EPHA6: variants seen among roughly 807,000 people sequenced by gnomAD.
EPHA6 encodes ephrin type-A receptor 6.
EPHA6 carries 50 observed loss-of-function variants against 112.0 expected under a neutral mutation model. The ratio of observed to expected loss-of-function variants is 0.45; its 90% CI spans 0.36 to 0.56. EPHA6 has a LOEUF of 0.56. Among genes scored for constraint, EPHA6 ranks in the 20% least tolerant of loss-of-function variants. The probability of loss-of-function intolerance (pLI) is 0.00; values close to 1 mark genes in which losing one functional copy is unlikely to be tolerated. For synonymous variants in EPHA6, 529 were observed against 490.7 expected, an observed-to-expected ratio of 1.08 and a Z score of -1.03; for missense variants, 1,280 against 1,417.4, an observed-to-expected ratio of 0.90 and a Z score of 1.56.
intron 6 of EPHA6, among the ~76,000 whole-genome samples, chr3:97,430,791 A>T (rs1223864477): frequency 6.6e-6 from 1 of 152,120 alleles, no homozygotes; most frequent in African/African-American, 2.4e-5. Context: ...GTCCTTTCTC[A>T]GAACTCTTGT....
At chr3:97,638,672 T>C (rs1423763558) in intron 14 of EPHA6, among the ~76,000 whole-genome samples, 1 of 152,166 alleles carries the variant, frequency 6.6e-6, no homozygotes, top group African/African-American at 2.4e-5. Flanking sequence ...ATTTGTCCTA[T>C]GGATAGTGTA....
chr3:97,424,945 A>G (rs1443266289), intron 6 of EPHA6, among the ~76,000 whole-genome samples: 1 of 152,152 alleles, frequency 6.6e-6, no homozygotes, highest in African/African-American at 2.4e-5. Flanking sequence ...CCAAAATCAA[A>G]CAAGTCAGTA....
chr3:97,174,136 T>C (rs561423914), intron 3 of EPHA6, among the ~76,000 whole-genome samples: 1 of 151,674 alleles, frequency 6.6e-6, no homozygotes, highest in South Asian at 2.1e-4. Context: ...AGTGAGAACA[T>C]GTGATGTTTG....
Position 97,258,080 on chromosome 3 carries a change from T to C in EPHA6, c.1606+13793T>C, listed in dbSNP as rs981947849. ...TTCATAACTCCTTATATTTACCCTA[T>C]CACAGTGCATAACTATACTCTGCAT... On this transcript the variant is annotated intron_variant, in intron 5 of 17. Transcript: ENST00000389672. Among the ~76,000 whole-genome samples, 3 of 152,202 alleles carry C rather than the reference T, an allele frequency of 2.0e-5. 1 individual carries two copies. Among genetic ancestry groups the C allele is most frequent in the Admixed American group, 2.0e-4 (3 of 15,286 alleles).
chr3:96,873,209 A>T (rs1385868358), intron 2 of EPHA6, among the ~76,000 whole-genome samples: 3 of 151,874 alleles, frequency 2.0e-5, no homozygotes, highest in African/African-American at 7.3e-5. Flanking sequence ...GGTTGCAGTG[A>T]GCCAAGATCA....
At chr3:97,275,060 G>A (rs540429170) in intron 5 of EPHA6, among the ~76,000 whole-genome samples, 41 of 152,182 alleles carry the variant, frequency 2.7e-4, no homozygotes, top group Non-Finnish European at 5.4e-4. Context: ...ACCGGCAGCC[G>A]CTGAACGCAA....
At position 97,750,344 on chromosome 3, in the gene EPHA6, GT is replaced by G. The variant is rs2035868583; in HGVS notation, c.*1648del. ...GACCCTGTTTTTGTTTTTTGTTTTT[GT>G]TTTTGTTGTTCGTTTGTTTGTTTTT... is the stretch of plus-strand genomic sequence containing the variant. On this transcript the variant is annotated 3_prime_UTR_variant, in exon 18 of 18. Coordinates refer to ENST00000389672, the MANE Select transcript of EPHA6 (RefSeq NM_001080448.3). Among the ~76,000 whole-genome samples the G allele has an allele frequency of 6.7e-6, 1 of 149,050 alleles. No individual in the cohort carries two copies. Among genetic ancestry groups the G allele is most frequent in the African/African-American group, 2.5e-5 (1 of 40,422 alleles).
chr3:97,390,278 G>A (rs951231926), intron 5 of EPHA6, among the ~76,000 whole-genome samples: 65 of 152,046 alleles, frequency 4.3e-4, no homozygotes, highest in African/African-American at 1.3e-3. Context: ...AAGCAGTTTT[G>A]CAGCCCCATT....
chr3:97,467,682 T>A (rs2091101227), intron 7 of EPHA6, among the ~76,000 whole-genome samples: 1 of 151,754 alleles, frequency 6.6e-6, no homozygotes, highest in Non-Finnish European at 1.5e-5. Flanking sequence ...TCTCAAGACC[T>A]ATCTCAACTG....
intron 7 of EPHA6, among the ~76,000 whole-genome samples, chr3:97,453,237 A>G (rs1476583627): frequency 6.6e-6 from 1 of 151,632 alleles, no homozygotes; most frequent in Admixed American, 6.6e-5. Flanking sequence ...TCAAAAGGGA[A>G]CAGAATCCAT....
intron 2 of EPHA6, among the ~76,000 whole-genome samples, chr3:96,896,489 C>G (rs2038277447): frequency 6.6e-6 from 1 of 152,128 alleles, no homozygotes; most frequent in African/African-American, 2.4e-5. Context: ...TAAGCCTGGT[C>G]CCTGTCTTCA....
chr3:97,554,536 G>A (rs1378849120), intron 11 of EPHA6, among the ~76,000 whole-genome samples: 1 of 151,958 alleles, frequency 6.6e-6, no homozygotes, highest in Non-Finnish European at 1.5e-5. Context: ...AGTCTAAATG[G>A]CAATACAAAG....
chr3:97,437,820 A>C (rs756274125), intron 6 of EPHA6, among the ~76,000 whole-genome samples: 3 of 151,852 alleles, frequency 2.0e-5, no homozygotes, highest in Non-Finnish European at 4.4e-5. Context: ...TCTTATAATA[A>C]ATATATTTTT....
At chr3:97,410,646 C>T (rs1210582750) in intron 6 of EPHA6, among the ~76,000 whole-genome samples, 1 of 152,002 alleles carries the variant, frequency 6.6e-6, no homozygotes, top group Non-Finnish European at 1.5e-5. Context: ...GTATATGGAT[C>T]ACATGGGGAT....
At chr3:96,946,995 A>G (rs977549009) in intron 2 of EPHA6, among the ~76,000 whole-genome samples, 8 of 148,424 alleles carry the variant, frequency 5.4e-5, no homozygotes, top group South Asian at 2.1e-4. Flanking sequence ...GTCTGTTCAT[A>G]TCCTTCGCCC....
intron 11 of EPHA6, among the ~76,000 whole-genome samples, chr3:97,538,981 C>CTCTTTCTTTCTTTCTTTCTTTCTT (rs796705721): frequency 3.1e-5 from 4 of 130,156 alleles, no homozygotes; most frequent in East Asian, 2.2e-4. Context: ...CACTTTCTCT[C>CTCTTTCTTTCTTTCTTTCTTTCTT]TCTTTCTTTC....
intron 2 of EPHA6, among the ~76,000 whole-genome samples, chr3:96,905,805 A>G (rs563215857): frequency 1.3e-5 from 2 of 152,210 alleles, no homozygotes; most frequent in Admixed American, 1.3e-4. Context: ...TGTTTTAACT[A>G]TAGTAAACTT....
At chr3:96,817,753 C>G (rs2032913572) in intron 1 of EPHA6, among the ~76,000 whole-genome samples, 1 of 151,814 alleles carries the variant, frequency 6.6e-6, no homozygotes, top group Non-Finnish European at 1.5e-5. Context: ...ACCTTTCCCA[C>G]AACCCCCACC....
intron 2 of EPHA6, among the ~76,000 whole-genome samples, chr3:96,906,958 G>A (rs1214736394): frequency 6.6e-6 from 1 of 151,714 alleles, no homozygotes; most frequent in Non-Finnish European, 1.5e-5. Flanking sequence ...CGGTGGGAGT[G>A]GAGAATAATG....
Sources: allele counts gnomAD v4.1 joint callset (sites outside exome capture counted in the v4.1 genomes callset), GRCh38; gene constraint gnomAD v4.1.1; transcripts MANE v1.5; gene names NCBI Gene and HGNC (gene_info 2026-07-23, HGNC 2026-07-21).